Variants in PLCXD1 observed in about 807,000 individuals in gnomAD.
PLCXD1 encodes PI-PLC X domain-containing protein 1.
Under a neutral mutation model 37.8 loss-of-function variants are expected in PLCXD1, and 45 were observed. That is an observed-to-expected ratio of 1.19 (90% CI 0.94 to 1.53). The LOEUF (loss-of-function observed/expected upper bound fraction) is 1.53, where lower values mean the gene tolerates loss of function less well. PLCXD1 is among the 40% of genes most tolerant of loss of function. PLCXD1 has a pLI of 0.00. For missense variants in PLCXD1, 539 were observed against 454.7 expected (o/e 1.19, Z -1.69); for synonymous variants, 246 against 206.9 (o/e 1.19, Z -1.62).
At chrX:292,953 C>T in intron 5 of PLCXD1, 82 bp from the exon 6 acceptor site, 2 of 954,234 alleles carry the variant, frequency 2.1e-6, no homozygotes, top group Non-Finnish European at 3.2e-6. Flanking sequence ...GGGCCGGTGT[C>T]CCGACTTCCC....
upstream of PLCXD1, among the ~76,000 whole-genome samples, chrX:280,368 AGGGGGAAGGGAGGC>A (rs2069239986): frequency 4.5e-5 from 3 of 66,978 alleles, no homozygotes; most frequent in Admixed American, 1.6e-4. Context: ...GGGGCCGTGC[AGGGGGAAGGGAGGC>A]CGTGCAGGGG....
chrX:298,687 T>C (rs1280902395), intron 6 of PLCXD1, among the ~76,000 whole-genome samples: 4 of 51,542 alleles, frequency 7.8e-5, no homozygotes, highest in South Asian at 4.1e-4. Flanking sequence ...GGGACATTAT[T>C]CTGTCTATCA....
intron 5 of PLCXD1, 69 bp from the exon 6 acceptor site, chrX:292,966 C>A: frequency 1.8e-6 from 2 of 1,106,382 alleles, no homozygotes; most frequent in Non-Finnish European, 1.3e-6. Context: ...GACTTCCCAG[C>A]CCTCCGCTCT....
chrX:293,313 G>A (rs1188314242), intron 6 of PLCXD1, 95 bp downstream of exon 6: 8 of 933,154 alleles, frequency 8.6e-6, no homozygotes, highest in South Asian at 3.1e-5. Flanking sequence ...TCACTTTTAC[G>A]TGAAAACAAT....
At chrX:281,870 C>T (rs1421445902) in intron 1 of PLCXD1, among the ~76,000 whole-genome samples, 186 bp downstream of exon 1, 1 of 152,126 alleles carries the variant, frequency 6.6e-6, no homozygotes, top group Non-Finnish European at 1.5e-5. Context: ...GCCTCAGCCT[C>T]CTGAGTAGCT....
chrX:293,286 T>A (rs2069698538), intron 6 of PLCXD1, 68 bp downstream of exon 6: 4 of 1,237,358 alleles, frequency 3.2e-6, no homozygotes, highest in East Asian at 2.3e-5. Flanking sequence ...GCAGGCCGGG[T>A]CCACATGGAC....
chrX:288,112 C>T (rs2069515240), intron 2 of PLCXD1, among the ~76,000 whole-genome samples: 1 of 146,620 alleles, frequency 6.8e-6, no homozygotes, highest in African/African-American at 2.5e-5. Flanking sequence ...GTCTGTGTCT[C>T]CTAAGGACAC....
intron 6 of PLCXD1, among the ~76,000 whole-genome samples, chrX:295,099 G>C (rs1164757902): frequency 6.6e-6 from 1 of 151,302 alleles, no homozygotes; most frequent in Non-Finnish European, 1.5e-5. Flanking sequence ...GAACCCGGGG[G>C]CGGAGGCTGC....
At position 300,167 on chromosome X, in the gene PLCXD1, C is replaced by A. The variant is rs1411727742; in HGVS notation, c.*832C>A. The stretch of plus-strand genomic sequence containing the variant: ...CCTCCCAGAGTGCTGGGATGACAGT[C>A]AAGAACCACCATGGCAGCCCATAAT... On this transcript the variant is annotated 3_prime_UTR_variant, in exon 7 of 7. Transcript: ENST00000381657. 1 of 151,894 alleles carries A rather than the reference C, an allele frequency of 6.6e-6. No individual in the cohort carries two copies. Among genetic ancestry groups the A allele is most frequent in the African/African-American group, 2.4e-5 (1 of 41,308 alleles). The allele number at this position is 151,894 out of a possible 1,614,324, so 9.4% of individuals were successfully genotyped here. A position where few individuals can be genotyped will look rare whatever the true frequency, so the allele number is the denominator to read the frequency against.
chrX:285,117 C>T (rs867510048), intron 2 of PLCXD1, among the ~76,000 whole-genome samples: 2 of 103,266 alleles, frequency 1.9e-5, no homozygotes, highest in Admixed American at 9.8e-5. Flanking sequence ...TACACACACA[C>T]ATGCATGCGC....
chrX:294,263 A>ACT (rs1569564663), intron 6 of PLCXD1, among the ~76,000 whole-genome samples: 3 of 152,050 alleles, frequency 2.0e-5, no homozygotes, highest in Non-Finnish European at 4.4e-5. Flanking sequence ...CGGGCGGATC[A>ACT]TGAGGTCAGG....
intron 6 of PLCXD1, among the ~76,000 whole-genome samples, chrX:294,585 G>A (rs1266669926): frequency 1.3e-5 from 2 of 150,532 alleles, no homozygotes; most frequent in African/African-American, 2.4e-5. Flanking sequence ...ATCCATGGTC[G>A]CGCCACTGCA....
intron 6 of PLCXD1, among the ~76,000 whole-genome samples, chrX:296,104 G>A (rs187264974): frequency 0.091 from 13,781 of 151,688 alleles, 683 homozygotes; most frequent in Non-Finnish European, 0.11. Flanking sequence ...GAGCCACTGT[G>A]CCCGGCCTTT....
Position 290,292 on chromosome X carries a change from C to T in PLCXD1, c.265-356C>T, listed in dbSNP as rs772505313. ...AATACAAAACAAAATTAGCTGGGCG[C>T]GGTGGCGGGCGCCTGCAGTCCCAGC... is the stretch of plus-strand genomic sequence containing the variant. On this transcript the variant is annotated intron_variant, in intron 3 of 6. Coordinates refer to ENST00000381657, the MANE Select transcript of PLCXD1 (RefSeq NM_018390.4). Among the ~76,000 whole-genome samples, 428 of 152,102 alleles carry T rather than the reference C, an allele frequency of 2.8e-3. 4 individuals are homozygous for T. Among genetic ancestry groups the T allele is most frequent in the African/African-American group, 9.6e-3 (397 of 41,504 alleles).
At position 293,151 on chromosome X, in the gene PLCXD1, G is replaced by T; in HGVS notation, c.666G>T (p.Trp222Cys). The change falls in exon 6 of 7, where the codon TGG becomes TGT. Residue 222 changes from tryptophan (W) to cysteine (C), a missense_variant. Coordinates refer to ENST00000381657, the MANE Select transcript of PLCXD1 (RefSeq NM_018390.4). Reference protein sequence around the residue: ...HELWPGVPYWWGNRVKTEALI... With the variant: ...HELWPGVPYWCGNRVKTEALI... ...TGTGGCCAGGAGTCCCCTACTGGTGGGGAAACAGGGTGAAGACCGAGGCCC... is the reference window on the plus strand; with the variant it reads ...TGTGGCCAGGAGTCCCCTACTGGTGTGGAAACAGGGTGAAGACCGAGGCCC... The T allele has an allele frequency of 6.2e-7, 1 of 1,612,792 alleles. No individual in the cohort carries two copies. Among genetic ancestry groups the T allele is most frequent in the Non-Finnish European group, 8.5e-7 (1 of 1,179,780 alleles).
Position 291,542 on chromosome X carries a change from G to A in PLCXD1, c.437G>A (p.Arg146His), listed in dbSNP as rs146922677. 2,168 of 1,612,898 alleles carry A rather than the reference G, an allele frequency of 1.3e-3. 2 individuals are homozygous for A. Among genetic ancestry groups the A allele is most frequent in the Non-Finnish European group, 1.7e-3 (2,030 of 1,179,828 alleles). The change falls in exon 5 of 7, where the codon CGC (arginine) becomes CAC (histidine). Residue 146 changes from arginine (R) to histidine (H), a missense_variant. Coordinates refer to ENST00000381657, the MANE Select transcript of PLCXD1 (RefSeq NM_018390.4). ...EISEWLERHP[R>H]EVVILACRNF... ...TCGGAGTGGCTGGAGCGGCATCCAC[G>A]CGAGGTGGTCATCCTGGCCTGCAGA... is the stretch of plus-strand genomic sequence containing the variant.
intron 2 of PLCXD1, among the ~76,000 whole-genome samples, chrX:287,292 AAT>A (rs1046509034): frequency 1.6e-4 from 23 of 145,748 alleles, no homozygotes; most frequent in African/African-American, 2.0e-4. Flanking sequence ...TATTTATATA[AAT>A]ATATGATACA....
intron 2 of PLCXD1, among the ~76,000 whole-genome samples, chrX:288,219 A>G (rs2124347553): frequency 6.6e-6 from 1 of 152,202 alleles, no homozygotes; most frequent in Admixed American, 6.5e-5. Context: ...ACAGGATCCC[A>G]TTCACAGGTT....
chrX:280,176 C>T (rs1425912055), upstream of PLCXD1, among the ~76,000 whole-genome samples: 2 of 152,244 alleles, frequency 1.3e-5, no homozygotes, highest in Middle Eastern at 3.4e-3. Context: ...ATTTTAACCT[C>T]CCCTCCACCC....
Sources: allele counts gnomAD v4.1 joint callset (sites outside exome capture counted in the v4.1 genomes callset), GRCh38; gene constraint gnomAD v4.1.1; transcripts MANE v1.5; gene names NCBI Gene and HGNC (gene_info 2026-07-23, HGNC 2026-07-21).